The following FKBP3 variants were observed in gnomAD, a reference collection of about 807,000 sequenced individuals.
FKBP3 encodes the protein FKBP prolyl isomerase 3.
A neutral mutation model predicts 30.6 loss-of-function variants in FKBP3; 21 were observed. The ratio of observed to expected loss-of-function variants is 0.69; its 90% CI spans 0.49 to 0.99. FKBP3 has a LOEUF of 0.99. Among genes scored for constraint, FKBP3 ranks in the 50% least tolerant of loss-of-function variants. The probability of loss-of-function intolerance (pLI) is 0.00; values close to 1 mark genes in which losing one functional copy is unlikely to be tolerated. For synonymous variants in FKBP3, 82 were observed against 91.3 expected (o/e 0.90, Z 0.58); for missense variants, 283 against 261.6 (o/e 1.08, Z -0.56).
At chr14:45,125,596 T>C (rs1156311013) in intron 3 of FKBP3, among the ~76,000 whole-genome samples, 1 of 152,190 alleles carries the variant, frequency 6.6e-6, no homozygotes, top group Non-Finnish European at 1.5e-5. Context: ...AGACAATAAA[T>C]ATATTGACAA....
At chr14:45,117,481 A>T (rs924132198) in intron 6 of FKBP3, among the ~76,000 whole-genome samples, 2 of 149,756 alleles carry the variant, frequency 1.3e-5, no homozygotes, top group African/African-American at 2.4e-5. Context: ...GTCATTCCTT[A>T]TTTTTTTTTT....
At chr14:45,120,977 C>A (rs1428630913) in intron 4 of FKBP3, 23 bp from the exon 5 acceptor site, 3 of 1,568,984 alleles carry the variant, frequency 1.9e-6, no homozygotes, top group Middle Eastern at 1.7e-4. Context: ...TTTTCCTTAT[C>A]ATTAATGATA....
intron 3 of FKBP3, among the ~76,000 whole-genome samples, chr14:45,126,182 C>T (rs1042929342): frequency 6.6e-6 from 1 of 151,054 alleles, no homozygotes; most frequent in Non-Finnish European, 1.5e-5. Context: ...TGAGCCACTG[C>T]ACCTGGCCAA....
chr14:45,119,854 A>AT (rs1179486764), intron 5 of FKBP3, among the ~76,000 whole-genome samples: 2 of 151,686 alleles, frequency 1.3e-5, no homozygotes, highest in Non-Finnish European at 2.9e-5. Flanking sequence ...TGCCCAGATA[A>AT]TTTTTTGTAT....
At chr14:45,119,026 A>C (rs1401477731) in intron 5 of FKBP3, among the ~76,000 whole-genome samples, 2 of 152,040 alleles carry the variant, frequency 1.3e-5, no homozygotes, top group Non-Finnish European at 2.9e-5. Flanking sequence ...TTGGAAATAC[A>C]ATTTTTAAAA....
intron 3 of FKBP3, among the ~76,000 whole-genome samples, chr14:45,127,490 T>C (rs182162439): frequency 2.0e-4 from 31 of 152,198 alleles, no homozygotes; most frequent in African/African-American, 6.7e-4. Context: ...AACTAAAACA[T>C]CCCAAATACC....
chr14:45,115,853 T>C lies in FKBP3; in HGVS notation c.*345A>G, dbSNP rs1385449972. The stretch of plus-strand genomic sequence containing the variant: ...GTTTGATGAGGTCCTTAGTTCCAAT[T>C]CCCTAATCAGAACAATAATATATTA... On this transcript the variant is annotated 3_prime_UTR_variant, in exon 7 of 7. Coordinates refer to ENST00000396062, the MANE Select transcript of FKBP3 (RefSeq NM_002013.4). The C allele has an allele frequency of 5.6e-6, 1 of 179,642 alleles. No homozygotes were observed. Among genetic ancestry groups the C allele is most frequent in the East Asian group, 1.3e-4 (1 of 7,586 alleles). The allele number at this position is 179,642 out of a possible 1,614,324, so 11.1% of individuals were successfully genotyped here. A position where few individuals can be genotyped will look rare whatever the true frequency, so the allele number is the denominator to read the frequency against.
chr14:45,123,602 CTTTT>C (rs200242313), intron 3 of FKBP3, among the ~76,000 whole-genome samples: 30 of 84,288 alleles, frequency 3.6e-4, no homozygotes, highest in African/African-American at 1.6e-3. Context: ...CTCTCTACTC[CTTTT>C]TTTTTTTTTT....
intron 6 of FKBP3, among the ~76,000 whole-genome samples, chr14:45,116,658 C>T (rs187468388): frequency 9.9e-5 from 15 of 152,008 alleles, no homozygotes; most frequent in Middle Eastern, 3.4e-3. Flanking sequence ...GAGTTTGTGA[C>T]CAGCCTGGCC....
Position 45,129,868 on chromosome 14 carries a change from A to C in FKBP3, c.244T>G (p.Ser82Ala). 1 of 1,613,014 alleles carries C rather than the reference A, an allele frequency of 6.2e-7. No homozygotes were observed. Among genetic ancestry groups the C allele is most frequent in the South Asian group, 1.1e-5 (1 of 91,000 alleles). The change falls in exon 3 of 7, where the codon TCT (serine) becomes GCT (alanine). Residue 82 changes from serine (S) to alanine (A), a missense_variant. By Grantham distance (99) the Ser-to-Ala change is moderately conservative. Transcript: ENST00000396062. ...FKGTESISKV[S>A]EQVKNVKLNE... Reference sequence around the variant, plus strand: ...AGCTTCACATTTTTTACTTGCTCAGACACTTTACTTATACTTTCAGTACCC... The same window carrying C: ...AGCTTCACATTTTTTACTTGCTCAGCCACTTTACTTATACTTTCAGTACCC...
Position 45,116,104 on chromosome 14 carries a change from A to G in FKBP3, c.*94T>C. ...GAATTTTCCAGTTGACTCTTCCTTTACAATAGTAACAAGTTCTAACTAGTT... is the reference window on the plus strand; with the variant it reads ...GAATTTTCCAGTTGACTCTTCCTTTGCAATAGTAACAAGTTCTAACTAGTT... On this transcript the variant is annotated 3_prime_UTR_variant, in exon 7 of 7. Coordinates refer to ENST00000396062, the MANE Select transcript of FKBP3 (RefSeq NM_002013.4). 1.1e-6 allele frequency: 1 copy of G among 874,106 alleles called. No individual in the cohort carries two copies. Among genetic ancestry groups the G allele is most frequent in the Non-Finnish European group, 1.9e-6 (1 of 535,492 alleles). 54.1% of individuals were successfully genotyped at this position (874,106 alleles called of 1,614,324 possible).
At chr14:45,133,126 T>A (rs144201736) in intron 1 of FKBP3, among the ~76,000 whole-genome samples, 169 of 152,302 alleles carry the variant, frequency 1.1e-3, no homozygotes, top group Non-Finnish European at 1.2e-3. Context: ...GGAGAGTTCT[T>A]CTATCTCCCT....
Position 45,116,208 on chromosome 14 carries a change from T to G in FKBP3, c.665A>C (p.Asp222Ala). ...TGAAGCACTGCTATTTCAATCAATA[T>G]CCACTAATTCCACTTCAAAAGTGAG... is the stretch of plus-strand genomic sequence containing the variant. ...AKLTFEVELV[D>A]ID Residue 222 changes from aspartate (D) to alanine (A), a missense_variant, in exon 7 of 7, where the codon GAT (aspartate) becomes GCT (alanine). Physicochemically the swap from Asp to Ala is moderately radical, Grantham distance 126 (BLOSUM62 -2). Transcript: ENST00000396062. 1 of 1,610,426 alleles carries G rather than the reference T, an allele frequency of 6.2e-7. No homozygotes were observed. The highest frequency in any genetic ancestry group is 8.5e-7 in the Non-Finnish European group (1 of 1,176,766).
intron 1 of FKBP3, chr14:45,133,382 GTT>G: frequency 3.9e-6 from 1 of 257,778 alleles, no homozygotes. Flanking sequence ...CAGGAGAATC[GTT>G]TGAACCCGGG....
At chr14:45,117,515 CAGTG>C (rs915480052) in intron 6 of FKBP3, among the ~76,000 whole-genome samples, 2 of 151,650 alleles carry the variant, frequency 1.3e-5, no homozygotes, top group African/African-American at 2.4e-5. Context: ...CTGGACTTAT[CAGTG>C]AGTATTGTCA....
At chr14:45,119,569 CAAAAAAA>C (rs1157195593) in intron 5 of FKBP3, among the ~76,000 whole-genome samples, 1 of 145,996 alleles carries the variant, frequency 6.8e-6, no homozygotes, top group African/African-American at 2.5e-5. Flanking sequence ...AACTCCGTCT[CAAAAAAA>C]AAGAATACGG....
chr14:45,124,630 G>A (rs2139082172), intron 3 of FKBP3, among the ~76,000 whole-genome samples: 1 of 151,738 alleles, frequency 6.6e-6, no homozygotes, highest in East Asian at 1.9e-4. Context: ...GTAAAATACT[G>A]AGATATTTTA....
intron 3 of FKBP3, among the ~76,000 whole-genome samples, chr14:45,124,084 A>T (rs1192321363): frequency 2.0e-5 from 3 of 152,190 alleles, no homozygotes; most frequent in Admixed American, 2.0e-4. Context: ...TGCTAGAGTG[A>T]TATTAACAAT....
chr14:45,120,987 ATACTCTAATTTATTATT>A, intron 4 of FKBP3, 33 bp from the exon 5 acceptor site: 2 of 1,488,212 alleles, frequency 1.3e-6, no homozygotes, highest in Non-Finnish European at 1.9e-6. Flanking sequence ...CATTAATGAT[ATACTCTAATTTATTATT>A]AAGAAATTTC....
Sources: allele counts gnomAD v4.1 joint callset (sites outside exome capture counted in the v4.1 genomes callset), GRCh38; gene constraint gnomAD v4.1.1; transcripts MANE v1.5; gene names NCBI Gene and HGNC (gene_info 2026-07-23, HGNC 2026-07-21).